Variants in MAGI2 observed in about 807,000 individuals in gnomAD.
The protein encoded by MAGI2 is membrane associated guanylate kinase, WW and PDZ domain containing 2, also known as membrane-associated guanylate kinase, WW and PDZ domain-containing protein 2.
MAGI2 carries 35 observed loss-of-function variants against 133.3 expected under a neutral mutation model. The observed-to-expected ratio is 0.26, with a 90% confidence interval of 0.20 to 0.35. The LOEUF (loss-of-function observed/expected upper bound fraction) is 0.35, where lower values mean the gene tolerates loss of function less well. Ranked by LOEUF, MAGI2 falls within the 10% of genes least tolerant of loss-of-function variation. The pLI, the probability that MAGI2 is intolerant of heterozygous loss-of-function variation, is 1.00. For synonymous variants in MAGI2, 729 were observed against 710.6 expected, an observed-to-expected ratio of 1.03 and a Z score of -0.41; for missense variants, 1,636 against 1,863.4, an observed-to-expected ratio of 0.88 and a Z score of 2.25.
At chr7:79,126,442 TA>T (rs975810527) in intron 1 of MAGI2, among the ~76,000 whole-genome samples, 1 of 152,106 alleles carries the variant, frequency 6.6e-6, no homozygotes, top group Non-Finnish European at 1.5e-5. Context: ...AAAGTTCTCT[TA>T]CTCATTTACG....
At chr7:79,039,431 T>G (rs969845814) in intron 1 of MAGI2, among the ~76,000 whole-genome samples, 2 of 152,094 alleles carry the variant, frequency 1.3e-5, no homozygotes, top group African/African-American at 4.8e-5. Context: ...TTTTTTTTAA[T>G]AAAAAGTTAC....
chr7:79,068,311 C>T (rs181864984), intron 1 of MAGI2, among the ~76,000 whole-genome samples: 4 of 152,264 alleles, frequency 2.6e-5, no homozygotes, highest in Admixed American at 6.5e-5. Flanking sequence ...AGGGATTCAA[C>T]GTCTTCCTGG....
chr7:79,338,963 G>T (rs1338787689), intron 1 of MAGI2, among the ~76,000 whole-genome samples: 1 of 152,048 alleles, frequency 6.6e-6, no homozygotes, highest in Non-Finnish European at 1.5e-5. Context: ...GCTACCAAAA[G>T]TCAGTAGACA....
chr7:79,346,038 G>A (rs1055290631), intron 1 of MAGI2, among the ~76,000 whole-genome samples: 4 of 151,936 alleles, frequency 2.6e-5, no homozygotes, highest in African/African-American at 9.7e-5. Context: ...CATTTTACTA[G>A]TCAGATTAAA....
chr7:78,172,973 A>G (rs1826254663), intron 14 of MAGI2, among the ~76,000 whole-genome samples: 1 of 152,218 alleles, frequency 6.6e-6, no homozygotes, highest in Admixed American at 6.5e-5. Flanking sequence ...TTAGGCTGCT[A>G]CTTTATGGCT....
intron 2 of MAGI2, among the ~76,000 whole-genome samples, chr7:78,792,302 T>G (rs1477542678): frequency 2.0e-5 from 3 of 152,198 alleles, no homozygotes; most frequent in Non-Finnish European, 4.4e-5. Flanking sequence ...CACGTCATAT[T>G]TCCAGTTTAC....
intron 1 of MAGI2, among the ~76,000 whole-genome samples, chr7:79,353,145 G>T (rs1841795940): frequency 6.6e-6 from 1 of 152,040 alleles, no homozygotes; most frequent in Non-Finnish European, 1.5e-5. Context: ...CAACAGTTTA[G>T]GGGGCAACAA....
rs1195033192 is a variant in MAGI2, at chr7:79,259,454, G to T, written c.301+193566C>A. Among the ~76,000 whole-genome samples, 6 of 152,050 alleles carry T rather than the reference G, an allele frequency of 3.9e-5. No homozygotes were observed. In the South Asian group the frequency reaches 1.2e-3, roughly 32 times the overall value. On this transcript the variant is annotated intron_variant, in intron 1 of 21. Transcript: ENST00000354212. Reference sequence around the variant, plus strand: ...TCATCTGGATATGCTACATTGAGGAGGCATACCTATTATAATTAATAATGA... The same window carrying T: ...TCATCTGGATATGCTACATTGAGGATGCATACCTATTATAATTAATAATGA...
intron 3 of MAGI2, among the ~76,000 whole-genome samples, chr7:78,592,526 A>T (rs1339275115): frequency 6.6e-6 from 1 of 152,224 alleles, no homozygotes; most frequent in Admixed American, 6.5e-5. Context: ...TTTATTGAAC[A>T]TATTATATGA....
chr7:78,030,820 G>A (rs934280640), intron 21 of MAGI2, among the ~76,000 whole-genome samples: 3 of 152,216 alleles, frequency 2.0e-5, no homozygotes, highest in African/African-American at 7.2e-5. Context: ...AAACAGTTTG[G>A]CCGATCCTTA....
At chr7:79,138,326 A>G (rs1821785141) in intron 1 of MAGI2, among the ~76,000 whole-genome samples, 1 of 152,166 alleles carries the variant, frequency 6.6e-6, no homozygotes, top group African/African-American at 2.4e-5. Flanking sequence ...ACAGTTGACT[A>G]TTATGCTCAA....
Position 78,422,400 on chromosome 7 carries a change from C to A in MAGI2, c.1046-53187G>T, listed in dbSNP as rs77820233. ...TACAATAATTAAAAAAGGCAATAGA[C>A]CTGATGTTTTAGAAAATATATATTT... is the stretch of plus-strand genomic sequence containing the variant. On this transcript the variant is annotated intron_variant, in intron 6 of 21. Coordinates refer to ENST00000354212, the MANE Select transcript of MAGI2 (RefSeq NM_012301.4). Among the ~76,000 whole-genome samples the A allele has an allele frequency of 7.2e-3, 1,100 of 152,166 alleles. 34 individuals are homozygous for A. Among genetic ancestry groups the A allele is most frequent in the East Asian group, 0.066 (343 of 5,184 alleles).
intron 1 of MAGI2, among the ~76,000 whole-genome samples, chr7:79,286,473 T>C (rs1483269644): frequency 6.6e-6 from 1 of 151,986 alleles, no homozygotes; most frequent in African/African-American, 2.4e-5. Context: ...ACCAAACAAT[T>C]CTTGCTATTC....
chr7:78,383,578 T>C (rs1215155999), intron 6 of MAGI2, among the ~76,000 whole-genome samples: 1 of 152,144 alleles, frequency 6.6e-6, no homozygotes, highest in Non-Finnish European at 1.5e-5. Context: ...CTGCTTGTTT[T>C]CTTTGCTGTG....
chr7:78,411,337 G>T (rs1456568398), intron 6 of MAGI2, among the ~76,000 whole-genome samples: 2 of 151,926 alleles, frequency 1.3e-5, no homozygotes, highest in Non-Finnish European at 2.9e-5. Flanking sequence ...GTGAACCTGG[G>T]TTATTGAACT....
chr7:78,610,595 G>C (rs563193781), intron 3 of MAGI2, among the ~76,000 whole-genome samples: 13 of 152,234 alleles, frequency 8.5e-5, no homozygotes, highest in Middle Eastern at 3.4e-3. Flanking sequence ...ATTTAAACAG[G>C]CTTCTTTATT....
At chr7:79,175,816 G>A (rs1373982974) in intron 1 of MAGI2, among the ~76,000 whole-genome samples, 2 of 151,956 alleles carry the variant, frequency 1.3e-5, no homozygotes, top group Admixed American at 6.6e-5. Flanking sequence ...AATCTTATGA[G>A]ACCACTGTCC....
At chr7:78,668,797 T>A (rs1205846906) in intron 2 of MAGI2, among the ~76,000 whole-genome samples, 1 of 151,106 alleles carries the variant, frequency 6.6e-6, no homozygotes. Context: ...ACATGGAAAC[T>A]GAACAACCTG....
chr7:78,587,084 G>A (rs1042690622), intron 3 of MAGI2, among the ~76,000 whole-genome samples: 2 of 151,924 alleles, frequency 1.3e-5, no homozygotes, highest in Non-Finnish European at 2.9e-5. Flanking sequence ...CAATTTTTTT[G>A]GGTATATACC....
Sources: allele counts gnomAD v4.1 joint callset (sites outside exome capture counted in the v4.1 genomes callset), GRCh38; gene constraint gnomAD v4.1.1; transcripts MANE v1.5; gene names NCBI Gene and HGNC (gene_info 2026-07-23, HGNC 2026-07-21).